Variants in TNRC6C observed in about 807,000 individuals in gnomAD.
TNRC6C encodes the protein trinucleotide repeat-containing gene 6C protein.
TNRC6C carries 20 observed loss-of-function variants against 153.7 expected under a neutral mutation model. That is an observed-to-expected ratio of 0.13 (90% CI 0.09 to 0.19). The LOEUF is 0.19. Among genes scored for constraint, TNRC6C ranks in the 10% least tolerant of loss-of-function variants. The probability of loss-of-function intolerance (pLI) is 1.00; values close to 1 mark genes in which losing one functional copy is unlikely to be tolerated. For missense variants in TNRC6C, 1,987 were observed against 2,172.0 expected, an observed-to-expected ratio of 0.91 and a Z score of 1.69; for synonymous variants, 811 against 841.4, an observed-to-expected ratio of 0.96 and a Z score of 0.63.
intron 13 of TNRC6C, among the ~76,000 whole-genome samples, chr17:78,090,105 A>C (rs1325017766): frequency 1.3e-5 from 2 of 152,226 alleles, no homozygotes; most frequent in Non-Finnish European, 2.9e-5. Flanking sequence ...ATGGGCTTGC[A>C]AAGGCGTTTT....
intron 1 of TNRC6C, among the ~76,000 whole-genome samples, chr17:78,020,058 A>G (rs1465988266): frequency 6.6e-6 from 1 of 152,250 alleles, no homozygotes; most frequent in African/African-American, 2.4e-5. Flanking sequence ...TCAAAGATCC[A>G]AAAATTACTG....
intron 1 of TNRC6C, 55 bp downstream of exon 1, chr17:77,959,323 T>TCG (rs2070840847): frequency 6.6e-6 from 1 of 151,802 alleles, no homozygotes. Flanking sequence ...GCCGGGAGGT[T>TCG]CGCGGGCCCT....
intron 1 of TNRC6C, among the ~76,000 whole-genome samples, chr17:78,013,146 TGA>T (rs1179340556): frequency 1.3e-5 from 2 of 152,140 alleles, no homozygotes; most frequent in Non-Finnish European, 2.9e-5. Context: ...TCAGCTCTTT[TGA>T]GAGAGGTGGA....
chr17:78,017,313 C>T (rs1435327471), intron 1 of TNRC6C, among the ~76,000 whole-genome samples: 1 of 149,778 alleles, frequency 6.7e-6, no homozygotes, highest in Non-Finnish European at 1.5e-5. Flanking sequence ...CAGCGTGCTC[C>T]CACTCCTGCT....
At chr17:78,046,344 C>A (rs1225474103) in intron 2 of TNRC6C, among the ~76,000 whole-genome samples, 1 of 152,096 alleles carries the variant, frequency 6.6e-6, no homozygotes, top group African/African-American at 2.4e-5. Flanking sequence ...CCACACCCGG[C>A]TAATTTTTGT....
At position 77,988,156 on chromosome 17, in the gene TNRC6C, A is replaced by G. The variant is rs564437483; in HGVS notation, c.-37-16014A>G. On this transcript the variant is annotated intron_variant, in intron 1 of 22. Coordinates refer to the TNRC6C transcript ENST00000636222. The stretch of plus-strand genomic sequence containing the variant: ...TGCTTTAGGCCAGAAGTTTGAGACC[A>G]GCCTGGGCAACAGGGTGAGACTCCG... Among the ~76,000 whole-genome samples, 61 of 152,252 alleles carry G rather than the reference A, an allele frequency of 4.0e-4. 2 individuals carry two copies. The South Asian group carries it at 0.012, about 31-fold the overall frequency.
chr17:78,107,770 G>C (rs757415783), exon 20 of TNRC6C: 2 of 152,246 alleles, frequency 1.3e-5, no homozygotes, highest in Non-Finnish European at 2.9e-5. Flanking sequence ...ACGGCAGCAA[G>C]AAGATGCCGG....
chr17:78,006,566 T>TTCTTCCTTCTTCCTTCTTCC, intron 1 of TNRC6C, among the ~76,000 whole-genome samples: 1 of 146,340 alleles, frequency 6.8e-6, no homozygotes, highest in African/African-American at 2.6e-5. Context: ...TTCTTCCTTC[T>TTCTTCCTTCTTCCTTCTTCC]TCCTTCTTCC....
At chr17:78,023,602 C>A (rs945902095) in intron 1 of TNRC6C, among the ~76,000 whole-genome samples, 3 of 150,754 alleles carry the variant, frequency 2.0e-5, no homozygotes, top group African/African-American at 7.3e-5. Context: ...TCCAGGGGTT[C>A]AAGACCAGCC....
At chr17:78,046,635 C>T (rs2072416965) in intron 2 of TNRC6C, among the ~76,000 whole-genome samples, 3 of 152,120 alleles carry the variant, frequency 2.0e-5, no homozygotes, top group Admixed American at 2.0e-4. Flanking sequence ...TTACGTATTT[C>T]ATGTCTTCTA....
intron 16 of TNRC6C, among the ~76,000 whole-genome samples, chr17:78,096,317 G>A (rs2073485037): frequency 6.6e-6 from 1 of 152,090 alleles, no homozygotes; most frequent in Non-Finnish European, 1.5e-5. Context: ...GGGGTACTGT[G>A]CTCACTACCT....
intron 16 of TNRC6C, 40 bp downstream of exon 18, chr17:78,093,803 C>T: frequency 6.2e-7 from 1 of 1,610,070 alleles, no homozygotes; most frequent in South Asian, 1.1e-5. Flanking sequence ...TGGACGGTCT[C>T]TCTAGACCCA....
intron 10 of TNRC6C, among the ~76,000 whole-genome samples, chr17:78,080,819 G>A (rs1298763316): frequency 1.3e-5 from 2 of 152,116 alleles, no homozygotes; most frequent in Non-Finnish European, 2.9e-5. Context: ...TTCCCCAAGA[G>A]ACCTCTGATA....
chr17:78,093,262 C>A, intron 15 of TNRC6C, 138 bp downstream of exon 17: 1 of 1,008,038 alleles, frequency 9.9e-7, no homozygotes, highest in Non-Finnish European at 1.4e-6. Context: ...TGGCATTTTC[C>A]TTGGAAATCC....
chr17:77,988,846 A>T (rs2071209642), intron 1 of TNRC6C, among the ~76,000 whole-genome samples: 1 of 152,250 alleles, frequency 6.6e-6, no homozygotes, highest in South Asian at 2.1e-4. Context: ...GTATAGATTT[A>T]AAATGTAAGA....
exon 17 of TNRC6C, chr17:78,098,374 C>G (rs1567967251): frequency 5.6e-6 from 9 of 1,613,650 alleles, no homozygotes; most frequent in Middle Eastern, 1.7e-4. Context: ...CGACGTGGTC[C>G]TCTGGCCCTA....
At chr17:78,102,384 T>G (rs756943889) in intron 17 of TNRC6C, 90 bp from the exon 21 acceptor site, 12 of 1,211,984 alleles carry the variant, frequency 9.9e-6, no homozygotes, top group Non-Finnish European at 1.4e-5. Context: ...GCCTGTGCTG[T>G]CCCACACTTC....
exon 19 of TNRC6C, chr17:78,103,509 C>T (rs1488889681): frequency 5.0e-6 from 8 of 1,614,014 alleles, no homozygotes; most frequent in Non-Finnish European, 6.8e-6. Context: ...TGGTCCGGTA[C>T]AGCTCCAAGG....
At position 78,010,656 on chromosome 17, in the gene TNRC6C, G is replaced by T. The variant is rs1342944113; in HGVS notation, c.-546+5577G>T. Reference sequence around the variant, plus strand: ...GAAGGAAATTCCTAAGAAATTGATTGTATGAGGTATCTTTAGGGGATGGCA... The same window carrying T: ...GAAGGAAATTCCTAAGAAATTGATTTTATGAGGTATCTTTAGGGGATGGCA... On this transcript the variant is annotated intron_variant, in intron 1 of 19. Transcript: ENST00000301624. 3.3e-5 allele frequency among the ~76,000 whole-genome samples: 5 copies of T among 152,178 alleles called. No individual in the cohort carries two copies. In the East Asian group the frequency reaches 7.7e-4, roughly 23 times the overall value.
Sources: gnomAD v4.1 joint callset for allele counts (sites outside exome capture counted in the v4.1 genomes callset) on GRCh38, gnomAD v4.1.1 for gene constraint, MANE v1.5 for transcripts, NCBI Gene and HGNC (gene_info 2026-07-23, HGNC 2026-07-21) for gene names.